Variants in MAP3K13 observed in about 807,000 individuals in gnomAD.
The protein encoded by MAP3K13 is mitogen-activated protein kinase kinase kinase 13.
MAP3K13 carries 52 observed loss-of-function variants against 104.0 expected under a neutral mutation model. The observed-to-expected ratio is 0.50, with a 90% confidence interval of 0.40 to 0.63. The LOEUF is 0.63. Ranked by LOEUF, MAP3K13 falls within the 20% of genes least tolerant of loss-of-function variation. MAP3K13 has a pLI of 0.00. For missense variants in MAP3K13, 914 were observed against 1,218.5 expected (o/e 0.75, Z 3.72); for synonymous variants, 394 against 442.2 (o/e 0.89, Z 1.37).
At chr3:185,327,813 G>A (rs968176327) in intron 2 of MAP3K13, among the ~76,000 whole-genome samples, 2 of 152,128 alleles carry the variant, frequency 1.3e-5, no homozygotes, top group Non-Finnish European at 2.9e-5. Context: ...TCGGGAGGCT[G>A]AGGCAGGAGA....
chr3:185,469,211 G>A (rs1205575471), intron 10 of MAP3K13, among the ~76,000 whole-genome samples: 2 of 152,184 alleles, frequency 1.3e-5, no homozygotes, highest in African/African-American at 4.8e-5. Context: ...TTCAGTTTAT[G>A]TTTAGTTAGA....
intron 2 of MAP3K13, among the ~76,000 whole-genome samples, chr3:185,314,113 C>T (rs145229815): frequency 2.0e-3 from 299 of 152,306 alleles, no homozygotes; most frequent in African/African-American, 6.9e-3. Flanking sequence ...GCTGACATTG[C>T]GAATCCTGCA....
At chr3:185,455,532 A>ACACATATAT (rs1473879835) in intron 7 of MAP3K13, among the ~76,000 whole-genome samples, 1 of 31,046 alleles carries the variant, frequency 3.2e-5, no homozygotes, top group Admixed American at 4.8e-4. Flanking sequence ...GATATATATG[A>ACACATATAT]GATATATATG....
intron 1 of MAP3K13, among the ~76,000 whole-genome samples, chr3:185,400,087 C>T (rs1005321374): frequency 6.6e-6 from 1 of 152,150 alleles, no homozygotes; most frequent in Non-Finnish European, 1.5e-5. Context: ...ATCATGTCAC[C>T]TCCCTTCACC....
At chr3:185,370,485 T>C (rs11707742) in intron 1 of MAP3K13, among the ~76,000 whole-genome samples, 109,849 of 151,754 alleles carry the variant, frequency 0.72, 41,976 homozygotes, top group Non-Finnish European at 0.85. Context: ...CGTGACCCAC[T>C]GCGCCCGGTC....
intron 2 of MAP3K13, among the ~76,000 whole-genome samples, chr3:185,351,470 T>C (rs1317182110): frequency 6.6e-6 from 1 of 152,190 alleles, no homozygotes; most frequent in African/African-American, 2.4e-5. Flanking sequence ...AAAGAGGCAG[T>C]GTTAGTGGTC....
chr3:185,379,766 A>G (rs1483629130), intron 1 of MAP3K13, among the ~76,000 whole-genome samples: 1 of 152,224 alleles, frequency 6.6e-6, no homozygotes, highest in Non-Finnish European at 1.5e-5. Flanking sequence ...TCACCAAGAA[A>G]GATGAATTAG....
At chr3:185,358,152 A>ATG (rs1342230867), upstream of MAP3K13, among the ~76,000 whole-genome samples, 2 of 152,240 alleles carry the variant, frequency 1.3e-5, no homozygotes. Flanking sequence ...GAAAGCAAGT[A>ATG]TGCATGTAAA....
At chr3:185,397,042 T>TG (rs1393403972) in intron 1 of MAP3K13, among the ~76,000 whole-genome samples, 7 of 151,750 alleles carry the variant, frequency 4.6e-5, no homozygotes, top group Non-Finnish European at 1.0e-4. Context: ...CTTGTTTGTT[T>TG]TTTTTTCATG....
At chr3:185,441,631 A>G (rs913654341) in intron 3 of MAP3K13, among the ~76,000 whole-genome samples, 2 of 152,322 alleles carry the variant, frequency 1.3e-5, no homozygotes, top group East Asian at 3.9e-4. Context: ...GGCTGGATGC[A>G]GTAGCTCACG....
In MAP3K13 at chr3:185,473,066, A is replaced by G; in HGVS notation, c.1735A>G (p.Ser579Gly). The G allele has an allele frequency of 6.2e-7, 1 of 1,614,174 alleles. No homozygotes were observed. The highest frequency in any genetic ancestry group is 1.1e-5 in the South Asian group (1 of 91,080). Residue 579 changes from serine (S) to glycine (G), a missense_variant, in exon 11 of 14, where the codon AGC becomes GGC. By Grantham distance (56) the Ser-to-Gly change is moderately conservative. This residue lies in a region of MAP3K13 where 583 missense variants were observed against 737.4 expected (regional missense o/e 0.79). Coordinates refer to ENST00000265026, the MANE Select transcript of MAP3K13 (RefSeq NM_004721.5). This position sits in a 1 kb window ranked among gnomAD's most constrained non-coding sequence, Gnocchi z 4.9. Reference protein sequence around the residue: ...LSGSPKMSTSSSKSRYRSKPR... With the variant: ...LSGSPKMSTSGSKSRYRSKPR... Reference sequence around the variant, plus strand: ...CGGAAGTCCCAAAATGTCCACTTCTAGCAGCAAGAGCCGATATCGAAGCAA... The same window carrying G: ...CGGAAGTCCCAAAATGTCCACTTCTGGCAGCAAGAGCCGATATCGAAGCAA...
At chr3:185,331,153 G>C (rs1722259208) in intron 2 of MAP3K13, among the ~76,000 whole-genome samples, 1 of 134,280 alleles carries the variant, frequency 7.4e-6, no homozygotes, top group Non-Finnish European at 1.5e-5. Context: ...GAGTGCAATG[G>C]TGGGATCTCG....
rs556360584 is a variant in MAP3K13, at chr3:185,423,514, A to G, written c.-85-4983A>G. Among the ~76,000 whole-genome samples the G allele has an allele frequency of 1.3e-5, 2 of 152,352 alleles. No homozygotes were observed. Among genetic ancestry groups the G allele is most frequent in the African/African-American group, 4.8e-5 (2 of 41,586 alleles). ...GAGGAGATCAGTAATGTCAAAGCTC[A>G]GAGATGAGCACGAAAAGAACAGGGG... On this transcript the variant is annotated intron_variant, in intron 1 of 13. Coordinates refer to ENST00000265026, the MANE Select transcript of MAP3K13 (RefSeq NM_004721.5). The surrounding 1 kb of genome is among the most constrained non-coding windows in gnomAD (Gnocchi z 4.1).
chr3:185,290,852 A>G (rs903320271), intron 2 of MAP3K13, among the ~76,000 whole-genome samples: 4 of 152,206 alleles, frequency 2.6e-5, no homozygotes, highest in African/African-American at 4.8e-5. Context: ...ATACAAGCAT[A>G]TAAGATAAAC....
At chr3:185,446,755 C>G (rs1195836358) in intron 4 of MAP3K13, among the ~76,000 whole-genome samples, 1 of 152,232 alleles carries the variant, frequency 6.6e-6, no homozygotes. Flanking sequence ...TGGTCTCATT[C>G]ATGATATTAG....
In MAP3K13 at chr3:185,466,961, A is replaced by G. The variant is rs767038469; in HGVS notation, c.1641A>G (p.Lys547=). ...GVPHKSGMQT[K]RPDLLRSEGI... ...CTCACAAATCTGGGATGCAGACCAA[A>G]CGGTGAGACACCTGTACAAACGCAG... The change falls in exon 10 of 14, where the codon AAA becomes AAG. Residue 547 remains lysine (K), a splice_region_variant and synonymous_variant. Transcript: ENST00000265026. 3.7e-6 allele frequency: 6 copies of G among 1,613,950 alleles called. No homozygotes were observed. The highest frequency in any genetic ancestry group is 3.3e-5 in the Admixed American group (2 of 60,014).
Position 185,450,958 on chromosome 3 carries a change from C to T in MAP3K13, c.1170-329C>T, listed in dbSNP as rs959477637. 4.6e-5 allele frequency among the ~76,000 whole-genome samples: 7 copies of T among 152,108 alleles called. No individual in the cohort carries two copies. Among genetic ancestry groups the T allele is most frequent in the South Asian group, 2.1e-4 (1 of 4,822 alleles). On this transcript the variant is annotated intron_variant, in intron 6 of 13. Transcript: ENST00000265026. The surrounding 1 kb of genome is among the most constrained non-coding windows in gnomAD (Gnocchi z 4.2). ...CAAAAAAATTAGCCAGGTCTGGTGG[C>T]GGGTGCCTGTAGTCCCAGCTACTCA... is the stretch of plus-strand genomic sequence containing the variant.
rs568987939 is a variant in MAP3K13, at chr3:185,382,900, G to A, written c.-86+19532G>A. ...TTATACTTTAAGTTTTAGGGTACATGTGCTCAATGTGCAGGTTAGTTACAT... is the reference window on the plus strand; with the variant it reads ...TTATACTTTAAGTTTTAGGGTACATATGCTCAATGTGCAGGTTAGTTACAT... On this transcript the variant is annotated intron_variant, in intron 1 of 13. Transcript: ENST00000265026. Among the ~76,000 whole-genome samples the A allele has an allele frequency of 3.3e-5, 5 of 152,030 alleles. No homozygotes were observed. The East Asian group carries it at 7.7e-4, about 24-fold the overall frequency.
chr3:185,317,848 T>G (rs972222332), intron 2 of MAP3K13, among the ~76,000 whole-genome samples: 3 of 152,172 alleles, frequency 2.0e-5, no homozygotes. Context: ...CAGATACTAC[T>G]TGGCATACCA....
Sources: allele counts gnomAD v4.1 joint callset (sites outside exome capture counted in the v4.1 genomes callset), GRCh38; gene constraint gnomAD v4.1.1; regional missense constraint gnomAD v4.1.1; non-coding constraint Gnocchi (gnomAD v3.1); transcripts MANE v1.5; gene names NCBI Gene and HGNC (gene_info 2026-07-23, HGNC 2026-07-21).